ATXN7: variants seen among roughly 807,000 people sequenced by gnomAD.
ATXN7 encodes ataxin 7, also known as ataxin-7.
A neutral mutation model predicts 70.5 loss-of-function variants in ATXN7; 12 were observed. That is an observed-to-expected ratio of 0.17 (90% CI 0.11 to 0.28). The LOEUF (loss-of-function observed/expected upper bound fraction) is 0.28, where lower values mean the gene tolerates loss of function less well. ATXN7 is among the 10% of genes least tolerant of loss of function. ATXN7 has a pLI of 1.00. For missense variants in ATXN7, 1,256 were observed against 1,131.7 expected, an observed-to-expected ratio of 1.11 and a Z score of -1.58; for synonymous variants, 498 against 448.7, an observed-to-expected ratio of 1.11 and a Z score of -1.39.
chr3:63,875,922 CT>C (rs1247530034), intron 1 of ATXN7, among the ~76,000 whole-genome samples: 1 of 152,110 alleles, frequency 6.6e-6, no homozygotes, highest in African/African-American at 2.4e-5. Context: ...TTGGCCAGAC[CT>C]TTTTGTAAAT....
chr3:63,987,410 A>G (rs1056745470), intron 8 of ATXN7, among the ~76,000 whole-genome samples: 1 of 152,130 alleles, frequency 6.6e-6, no homozygotes, highest in African/African-American at 2.4e-5. Flanking sequence ...GCCAGTGTCT[A>G]TCTATAGGGA....
chr3:63,913,798 C>T (rs535740067), intron 4 of ATXN7, among the ~76,000 whole-genome samples: 11 of 152,150 alleles, frequency 7.2e-5, no homozygotes, highest in South Asian at 6.2e-4. Context: ...CTTTACTGCC[C>T]GTGGCTGGTG....
chr3:63,944,930 T>G (rs2074834017), intron 4 of ATXN7, among the ~76,000 whole-genome samples: 2 of 152,144 alleles, frequency 1.3e-5, no homozygotes, highest in South Asian at 4.1e-4. Context: ...TAGCTGCAAT[T>G]ACAAGTGTAA....
intron 1 of ATXN7, among the ~76,000 whole-genome samples, chr3:63,868,141 C>T (rs1702490379): frequency 6.6e-6 from 1 of 152,174 alleles, no homozygotes; most frequent in African/African-American, 2.4e-5. Context: ...GGTCTTTCAG[C>T]TCCACTCTCT....
At chr3:63,966,275 T>G (rs765788403) in intron 5 of ATXN7, among the ~76,000 whole-genome samples, 6 of 152,144 alleles carry the variant, frequency 3.9e-5, no homozygotes, top group Non-Finnish European at 7.3e-5. Flanking sequence ...ATTGATGGCA[T>G]TAAGGAGATT....
At chr3:63,986,870 T>C (rs2075586200) in intron 8 of ATXN7, among the ~76,000 whole-genome samples, 1 of 152,216 alleles carries the variant, frequency 6.6e-6, no homozygotes, top group African/African-American at 2.4e-5. Context: ...TACATTTGTA[T>C]TATGTGTAGG....
chr3:63,934,735 T>A (rs1187235106), intron 4 of ATXN7, among the ~76,000 whole-genome samples: 2 of 152,200 alleles, frequency 1.3e-5, no homozygotes, highest in East Asian at 3.8e-4. Context: ...TTTGTTTCAG[T>A]TTCCTCAAAG....
intron 2 of ATXN7, among the ~76,000 whole-genome samples, chr3:63,902,627 G>C (rs903336555): frequency 1.3e-5 from 2 of 152,130 alleles, no homozygotes; most frequent in Non-Finnish European, 2.9e-5. Context: ...GATATTGACT[G>C]GCTAAGGAGT....
At position 64,001,674 on chromosome 3, in the gene ATXN7, G is replaced by T. The variant is rs565492381; in HGVS notation, c.*2207G>T. ...TTAAATGAATTTCATTATTTCTCCC[G>T]GTAATACACAGAGCATCGGGATTAG... On this transcript the variant is annotated 3_prime_UTR_variant, in exon 13 of 13. Coordinates refer to ENST00000674280, the MANE Select transcript of ATXN7 (RefSeq NM_001377405.1). The T allele has an allele frequency of 6.6e-6, 1 of 152,048 alleles. No individual in the cohort carries two copies. The highest frequency in any genetic ancestry group is 1.5e-5 in the Non-Finnish European group (1 of 68,006). 9.4% of individuals were successfully genotyped at this position (152,048 alleles called of 1,614,324 possible). A position where few individuals can be genotyped will look rare whatever the true frequency, so the allele number is the denominator to read the frequency against.
chr3:63,979,643 A>G (rs1491004297), intron 5 of ATXN7, among the ~76,000 whole-genome samples: 2 of 152,096 alleles, frequency 1.3e-5, no homozygotes, highest in Admixed American at 6.5e-5. Context: ...CAATATTCTC[A>G]TGTTTACGAT....
At chr3:63,952,808 A>G (rs2074975833) in intron 5 of ATXN7, among the ~76,000 whole-genome samples, 1 of 115,458 alleles carries the variant, frequency 8.7e-6, no homozygotes, top group South Asian at 2.7e-4. Context: ...TTAAAATTAT[A>G]TACACTCACA....
At chr3:63,892,389 CACACA>C (rs1446354767) in intron 1 of ATXN7, among the ~76,000 whole-genome samples, 12 of 150,664 alleles carry the variant, frequency 8.0e-5, no homozygotes, top group African/African-American at 2.9e-4. Context: ...CACACACACA[CACACA>C]CACACACACA....
chr3:63,906,248 C>G (rs914033333), intron 2 of ATXN7, among the ~76,000 whole-genome samples: 3 of 152,170 alleles, frequency 2.0e-5, no homozygotes, highest in Admixed American at 2.0e-4. Context: ...GGTGCAAAGA[C>G]AGAATGTGGG....
chr3:63,889,171 T>G (rs1030555963), intron 1 of ATXN7, among the ~76,000 whole-genome samples: 3 of 152,194 alleles, frequency 2.0e-5, no homozygotes, highest in African/African-American at 7.2e-5. Flanking sequence ...TATTGCCTGC[T>G]GTTAAGGATG....
At chr3:63,997,091 C>G (rs2075772765) in intron 12 of ATXN7, among the ~76,000 whole-genome samples, 1 of 152,170 alleles carries the variant, frequency 6.6e-6, no homozygotes, top group African/African-American at 2.4e-5. Context: ...ACCCCCGTCT[C>G]TACTAAAAAT....
Position 64,002,655 on chromosome 3 carries a change from T to A in ATXN7, c.*3188T>A, listed in dbSNP as rs2075845913. ...AGACTTGAATGTTCAGTTGAACTTT[T>A]GGAGTTTGCTTTTTCCACCTAAATA... On this transcript the variant is annotated 3_prime_UTR_variant, in exon 13 of 13. Coordinates refer to ENST00000674280, the MANE Select transcript of ATXN7 (RefSeq NM_001377405.1). The A allele has an allele frequency of 1.3e-5, 2 of 152,224 alleles. No individual in the cohort carries two copies. The highest frequency in any genetic ancestry group is 4.1e-4 in the South Asian group (2 of 4,830). 9.4% of individuals were successfully genotyped at this position (152,224 alleles called of 1,614,324 possible).
intron 6 of ATXN7, among the ~76,000 whole-genome samples, chr3:63,981,515 A>G (rs554645644): frequency 6.6e-6 from 1 of 152,358 alleles, no homozygotes; most frequent in African/African-American, 2.4e-5. Context: ...TTACCAAGCA[A>G]AATGATAGTG....
At chr3:63,948,716 C>T (rs1356356921) in intron 4 of ATXN7, among the ~76,000 whole-genome samples, 1 of 152,144 alleles carries the variant, frequency 6.6e-6, no homozygotes, top group Non-Finnish European at 1.5e-5. Context: ...TACATGTGCT[C>T]AAGTGTCCTT....
In ATXN7 at chr3:63,995,576, C is replaced by T. The variant is rs774403353; in HGVS notation, c.1754C>T (p.Pro585Leu). 12 of 1,614,130 alleles carry T rather than the reference C, an allele frequency of 7.4e-6. No individual in the cohort carries two copies. Among genetic ancestry groups the T allele is most frequent in the East Asian group, 2.2e-5 (1 of 44,884 alleles). The change falls in exon 12 of 13, where the codon CCG (proline) becomes CTG (leucine). Residue 585 changes from proline to leucine, a missense_variant. Transcript: ENST00000674280. ...TRIPHRTNSVPTSQCGVSYLA... is the reference protein window; with the variant it reads ...TRIPHRTNSVLTSQCGVSYLA... ...ATTCCTCACCGGACAAACTCTGTGC[C>T]GACATCACAATGTGGAGTCAGCTAT... is the stretch of plus-strand genomic sequence containing the variant.
Sources: gnomAD v4.1 joint callset for allele counts (sites outside exome capture counted in the v4.1 genomes callset) on GRCh38, gnomAD v4.1.1 for gene constraint, MANE v1.5 for transcripts, NCBI Gene and HGNC (gene_info 2026-07-23, HGNC 2026-07-21) for gene names.